Variants in DPYD observed in about 807,000 individuals in gnomAD.
The protein encoded by DPYD is dihydropyrimidine dehydrogenase.
A neutral mutation model predicts 116.2 loss-of-function variants in DPYD; 109 were observed. That is an observed-to-expected ratio of 0.94 (90% CI 0.80 to 1.10). DPYD has a LOEUF of 1.10. DPYD is among the 50% of genes least tolerant of loss of function. DPYD has a pLI of 0.00. For missense variants in DPYD, 1,302 were observed against 1,254.5 expected (o/e 1.04, Z -0.57); for synonymous variants, 440 against 432.0 (o/e 1.02, Z -0.23).
chr1:97,693,290 CAAAAAAA>C (rs201872835), intron 6 of DPYD, among the ~76,000 whole-genome samples: 1,595 of 41,604 alleles, frequency 0.038, 20 homozygotes, highest in East Asian at 0.16. Context: ...GACTCCGTCT[CAAAAAAA>C]AAAAAAAAAA....
chr1:97,889,726 A>G (rs186524944), intron 1 of DPYD, among the ~76,000 whole-genome samples: 6 of 152,176 alleles, frequency 3.9e-5, no homozygotes, highest in African/African-American at 1.4e-4. Flanking sequence ...AAGGAAACAG[A>G]AGACTTGAAT....
At chr1:97,815,667 A>G (rs1668567702) in intron 3 of DPYD, among the ~76,000 whole-genome samples, 1 of 152,086 alleles carries the variant, frequency 6.6e-6, no homozygotes, top group Non-Finnish European at 1.5e-5. Flanking sequence ...TTTATTGACA[A>G]CTCTTTCATT....
At chr1:97,737,590 G>A (rs1258117354) in intron 4 of DPYD, among the ~76,000 whole-genome samples, 1 of 152,052 alleles carries the variant, frequency 6.6e-6, no homozygotes, top group Non-Finnish European at 1.5e-5. Flanking sequence ...TCAATATTTT[G>A]TTTGATAAGA....
intron 16 of DPYD, among the ~76,000 whole-genome samples, chr1:97,324,475 G>C (rs1003362460): frequency 6.6e-6 from 1 of 152,042 alleles, no homozygotes; most frequent in Non-Finnish European, 1.5e-5. Flanking sequence ...TACGGCAGGT[G>C]TATGCCAAAT....
intron 20 of DPYD, among the ~76,000 whole-genome samples, chr1:97,123,137 G>C (rs1268732103): frequency 6.6e-6 from 1 of 152,068 alleles, no homozygotes; most frequent in Non-Finnish European, 1.5e-5. Flanking sequence ...GTTTTCAGCT[G>C]ATGAAACATA....
chr1:97,334,028 A>T, intron 16 of DPYD, among the ~76,000 whole-genome samples: 1 of 152,178 alleles, frequency 6.6e-6, no homozygotes, highest in East Asian at 1.9e-4. Context: ...CTGTTTCTAT[A>T]GACTCATTAG....
chr1:97,677,051 AT>A (rs745647177), intron 8 of DPYD, among the ~76,000 whole-genome samples: 4 of 152,208 alleles, frequency 2.6e-5, no homozygotes, highest in Non-Finnish European at 4.4e-5. Flanking sequence ...TTATCAAATA[AT>A]ATACTTAAGG....
chr1:97,553,361 A>G (rs1271037150), intron 11 of DPYD, among the ~76,000 whole-genome samples: 1 of 152,018 alleles, frequency 6.6e-6, no homozygotes, highest in African/African-American at 2.4e-5. Context: ...CATGTTATTC[A>G]TAATTTCTCA....
At chr1:97,476,735 T>TAA (rs372995959) in intron 13 of DPYD, among the ~76,000 whole-genome samples, 1 of 147,320 alleles carries the variant, frequency 6.8e-6, no homozygotes, top group Non-Finnish European at 1.5e-5. Flanking sequence ...ACAAAAATAC[T>TAA]AAAAAAAAAA....
intron 18 of DPYD, among the ~76,000 whole-genome samples, chr1:97,242,805 A>G (rs1557966736): frequency 6.6e-6 from 1 of 151,786 alleles, no homozygotes; most frequent in African/African-American, 2.4e-5. Flanking sequence ...AATATTTTAG[A>G]TAAAAGATCT....
intron 20 of DPYD, among the ~76,000 whole-genome samples, chr1:97,157,675 T>C (rs900548339): frequency 2.0e-5 from 3 of 152,178 alleles, no homozygotes; most frequent in Admixed American, 6.6e-5. Flanking sequence ...TCAGGAAATA[T>C]GTATTCCATG....
chr1:97,385,402 C>A (rs776298157), intron 14 of DPYD, among the ~76,000 whole-genome samples: 22 of 143,688 alleles, frequency 1.5e-4, no homozygotes, highest in Non-Finnish European at 2.7e-4. Context: ...GCTAGAACTT[C>A]AAGGGCAGAG....
intron 16 of DPYD, among the ~76,000 whole-genome samples, chr1:97,368,838 C>G (rs1008437997): frequency 6.6e-6 from 1 of 152,204 alleles, no homozygotes; most frequent in African/African-American, 2.4e-5. Flanking sequence ...GTCAGAGGAG[C>G]CTAGTTAAGG....
At chr1:97,892,549 A>G (rs1672831272) in intron 1 of DPYD, among the ~76,000 whole-genome samples, 1 of 151,836 alleles carries the variant, frequency 6.6e-6, no homozygotes, top group African/African-American at 2.4e-5. Flanking sequence ...CACACTTGAG[A>G]TACAATCAAC....
intron 14 of DPYD, among the ~76,000 whole-genome samples, chr1:97,404,846 T>C (rs1332983726): frequency 1.3e-5 from 2 of 152,094 alleles, no homozygotes; most frequent in Non-Finnish European, 2.9e-5. Context: ...TTTTTTTCTC[T>C]GTTCCTATTT....
chr1:97,805,668 G>A (rs1668045931), intron 3 of DPYD, among the ~76,000 whole-genome samples: 2 of 151,658 alleles, frequency 1.3e-5, no homozygotes, highest in South Asian at 2.1e-4. Flanking sequence ...TTTTTTAGAG[G>A]CATAAGAGAT....
At chr1:97,394,256 G>GCC (rs1672888714) in intron 14 of DPYD, 1 of 152,106 alleles carries the variant, frequency 6.6e-6, no homozygotes. Context: ...TGTTCACTCT[G>GCC]ACGGTAGTTT....
In DPYD at chr1:97,459,176, AT is replaced by A. The variant is rs1045320500; in HGVS notation, c.1741-8954del. ...AATAGAATTTCTAGAAATAAAAAAA[AT>A]AATATGGAAAATTAAAACCTAATGG... On this transcript the variant is annotated intron_variant, in intron 13 of 22. Transcript: ENST00000370192. 2.0e-4 allele frequency among the ~76,000 whole-genome samples: 31 copies of A among 152,284 alleles called. 3 individuals are homozygous for A. The highest frequency in any genetic ancestry group is 7.2e-4 in the African/African-American group (30 of 41,580).
intron 3 of DPYD, among the ~76,000 whole-genome samples, chr1:97,820,160 C>T (rs1049675413): frequency 6.6e-6 from 1 of 152,018 alleles, no homozygotes; most frequent in Non-Finnish European, 1.5e-5. Context: ...ATTAACATAA[C>T]CCAAATCATA....
Sources: allele counts gnomAD v4.1 joint callset (sites outside exome capture counted in the v4.1 genomes callset), GRCh38; gene constraint gnomAD v4.1.1; transcripts MANE v1.5; gene names NCBI Gene and HGNC (gene_info 2026-07-23, HGNC 2026-07-21).